The following DLGAP1 variants were observed in gnomAD, a reference collection of about 807,000 sequenced individuals.
The protein encoded by DLGAP1 is disks large-associated protein 1.
DLGAP1 carries 11 observed loss-of-function variants against 90.8 expected under a neutral mutation model. That is an observed-to-expected ratio of 0.12 (90% CI 0.08 to 0.20). The LOEUF (loss-of-function observed/expected upper bound fraction) is 0.20. Among genes scored for constraint, DLGAP1 ranks in the 10% least tolerant of loss-of-function variants. The pLI is 1.00. For missense variants in DLGAP1, 1,050 were observed against 1,333.8 expected (o/e 0.79, Z 3.31); for synonymous variants, 558 against 540.7 (o/e 1.03, Z -0.44).
At chr18:3,719,636 G>C (rs1384612953) in intron 7 of DLGAP1, among the ~76,000 whole-genome samples, 1 of 150,136 alleles carries the variant, frequency 6.7e-6, no homozygotes, top group Non-Finnish European at 1.5e-5. Context: ...TTTTGATATT[G>C]TTGAGATGTA....
chr18:3,999,103 C>T (rs1276485948), intron 3 of DLGAP1, among the ~76,000 whole-genome samples: 1 of 152,034 alleles, frequency 6.6e-6, no homozygotes. Context: ...TTATTTCCTT[C>T]CTCTACCTTT....
intron 3 of DLGAP1, among the ~76,000 whole-genome samples, chr18:3,929,979 T>C (rs1046876266): frequency 7.2e-5 from 11 of 152,238 alleles, no homozygotes; most frequent in Non-Finnish European, 1.0e-4. Context: ...TGCAGATACA[T>C]GGTGCTAGTT....
At chr18:4,352,014 GATC>G (rs1323299200) in intron 1 of DLGAP1, among the ~76,000 whole-genome samples, 2 of 152,068 alleles carry the variant, frequency 1.3e-5, no homozygotes, top group Non-Finnish European at 2.9e-5. Context: ...AACAGAATAA[GATC>G]ATCATGGAAG....
chr18:3,808,098 G>A (rs890632191), intron 5 of DLGAP1, among the ~76,000 whole-genome samples: 2 of 152,276 alleles, frequency 1.3e-5, no homozygotes, highest in Non-Finnish European at 2.9e-5. Flanking sequence ...TGTAATAGGC[G>A]ATTGCTTGTA....
chr18:4,251,614 T>C (rs2078780210), intron 1 of DLGAP1, among the ~76,000 whole-genome samples: 1 of 152,242 alleles, frequency 6.6e-6, no homozygotes, highest in Admixed American at 6.5e-5. Context: ...CACAAACTTT[T>C]TTCTTTGTAA....
At chr18:4,388,935 T>A (rs2082288670) in intron 1 of DLGAP1, among the ~76,000 whole-genome samples, 1 of 152,110 alleles carries the variant, frequency 6.6e-6, no homozygotes, top group Admixed American at 6.6e-5. Context: ...GTACAGCCAC[T>A]CTGAAAAAGT....
At chr18:3,991,636 C>A (rs1266336684) in intron 3 of DLGAP1, among the ~76,000 whole-genome samples, 1 of 152,218 alleles carries the variant, frequency 6.6e-6, no homozygotes, top group Non-Finnish European at 1.5e-5. Context: ...CTTCTCCCTT[C>A]TCCCCAGAGC....
chr18:3,700,908 C>G (rs561444474), intron 7 of DLGAP1, among the ~76,000 whole-genome samples: 1 of 149,466 alleles, frequency 6.7e-6, no homozygotes, highest in Non-Finnish European at 1.5e-5. Flanking sequence ...CACGCCCAGC[C>G]GACTTTGTTG....
At chr18:3,840,402 C>T (rs1227150107) in intron 4 of DLGAP1, among the ~76,000 whole-genome samples, 2 of 152,160 alleles carry the variant, frequency 1.3e-5, no homozygotes, top group Non-Finnish European at 2.9e-5. Flanking sequence ...CCCCTTGTCC[C>T]ATGGTCCCTT....
At chr18:4,114,067 T>A (rs1197448791) in intron 2 of DLGAP1, among the ~76,000 whole-genome samples, 1 of 151,162 alleles carries the variant, frequency 6.6e-6, no homozygotes, top group Non-Finnish European at 1.5e-5. Context: ...TTTTTTTTTT[T>A]TTTTTTTTTG....
intron 1 of DLGAP1, among the ~76,000 whole-genome samples, chr18:4,319,765 G>A (rs2080631138): frequency 6.6e-6 from 1 of 152,128 alleles, no homozygotes; most frequent in South Asian, 2.1e-4. Flanking sequence ...TCCCCATCTG[G>A]CTTAGGCAAT....
chr18:4,395,460 T>C (rs1030897340), intron 1 of DLGAP1, among the ~76,000 whole-genome samples: 8 of 152,190 alleles, frequency 5.3e-5, no homozygotes, highest in Admixed American at 5.2e-4. Flanking sequence ...GTACGAGGGC[T>C]CCGCGTATTA....
At chr18:3,655,844 A>G (rs939794166) in intron 7 of DLGAP1, 1 of 460,952 alleles carries the variant, frequency 2.2e-6, no homozygotes, top group Admixed American at 3.9e-5. Flanking sequence ...CAGTCACATC[A>G]GGAGACAGAA....
At chr18:3,855,123 C>G (rs78827717) in intron 4 of DLGAP1, among the ~76,000 whole-genome samples, 20,540 of 152,148 alleles carry the variant, frequency 0.14, 1,476 homozygotes, top group South Asian at 0.23. Flanking sequence ...AAAGAATGAA[C>G]TTATATCCTT....
rs9303939 is a variant in DLGAP1, at chr18:4,078,802, T to A, written c.-159+72378A>T. On this transcript the variant is annotated intron_variant, in intron 2 of 12. Transcript: ENST00000315677. ...ATGGATATATCAATGAGTCCATGTT[T>A]CCTTGAAACTTGAGGATTCTTAAGT... is the stretch of plus-strand genomic sequence containing the variant. 5.9e-3 allele frequency among the ~76,000 whole-genome samples: 899 copies of A among 152,082 alleles called. 6 individuals are homozygous for A. The highest frequency in any genetic ancestry group is 0.024 in the Middle Eastern group (7 of 294).
At chr18:4,157,758 A>G (rs1037904215) in intron 1 of DLGAP1, among the ~76,000 whole-genome samples, 9 of 152,132 alleles carry the variant, frequency 5.9e-5, no homozygotes, top group African/African-American at 2.2e-4. Flanking sequence ...GGGATGCACA[A>G]TTCATGGGAG....
At chr18:3,748,295 G>A (rs2063355577) in intron 5 of DLGAP1, among the ~76,000 whole-genome samples, 1 of 152,234 alleles carries the variant, frequency 6.6e-6, no homozygotes, top group Non-Finnish European at 1.5e-5. Flanking sequence ...CCGGAAGGCT[G>A]CCATTGCGAA....
rs2055553762 is a variant in DLGAP1, at chr18:3,582,006, C to T, written c.1834G>A (p.Gly612Ser). Residue 612 changes from glycine to serine, a missense_variant, in exon 8 of 13, where the codon GGC becomes AGC. Around this residue, in one of 2 missense-constraint regions of DLGAP1, gnomAD observed 565 missense variants for 879.7 expected, o/e 0.64. Coordinates refer to ENST00000315677, the MANE Select transcript of DLGAP1 (RefSeq NM_004746.4). ...AIEAANAQIH[G>S]PASQHMGNNT... ...TTGCCCATGTGTTGACTGGCAGGGCCATGGATCTGGGCGTTTGCAGCTTCG... is the reference window on the plus strand; with the variant it reads ...TTGCCCATGTGTTGACTGGCAGGGCTATGGATCTGGGCGTTTGCAGCTTCG... 2 of 1,612,964 alleles carry T rather than the reference C, an allele frequency of 1.2e-6. No homozygotes were observed. The highest frequency in any genetic ancestry group is 1.3e-5 in the African/African-American group (1 of 74,586).
intron 1 of DLGAP1, among the ~76,000 whole-genome samples, chr18:4,424,889 A>G (rs1392338293): frequency 6.6e-6 from 1 of 152,238 alleles, no homozygotes; most frequent in East Asian, 1.9e-4. Flanking sequence ...CCCTAGCAGC[A>G]TCCATCTAAC....
Sources: allele counts gnomAD v4.1 joint callset (sites outside exome capture counted in the v4.1 genomes callset), GRCh38; gene constraint gnomAD v4.1.1; regional missense constraint gnomAD v4.1.1; transcripts MANE v1.5; gene names NCBI Gene and HGNC (gene_info 2026-07-23, HGNC 2026-07-21).